Variants in PHKA2 observed in about 807,000 individuals in gnomAD.
PHKA2 encodes the protein phosphorylase b kinase regulatory subunit alpha, liver isoform.
In PHKA2, 31 loss-of-function variants were observed where a neutral mutation model predicts 102.0. That is an observed-to-expected ratio of 0.30 (90% CI 0.23 to 0.41). The LOEUF (loss-of-function observed/expected upper bound fraction) is 0.41, where lower values mean the gene tolerates loss of function less well. Among genes scored for constraint, PHKA2 ranks in the 10% least tolerant of loss-of-function variants. The probability of loss-of-function intolerance (pLI) is 1.00; values close to 1 mark genes in which losing one functional copy is unlikely to be tolerated. For synonymous variants in PHKA2, 455 were observed against 416.2 expected, an observed-to-expected ratio of 1.09 and a Z score of -1.13; for missense variants, 858 against 1,023.1, an observed-to-expected ratio of 0.84 and a Z score of 2.20.
chrX:18,904,968 G>A lies in PHKA2; in HGVS notation c.2908+790C>T, dbSNP rs148254094. Among the ~76,000 whole-genome samples, 962 of 111,712 alleles carry A rather than the reference G, an allele frequency of 8.6e-3. 13 individuals are homozygous for A. Among genetic ancestry groups the A allele is most frequent in the African/African-American group, 0.029 (899 of 30,732 alleles). ...TCCCAGCACTGCAAGCAGGGTTCCG[G>A]TTCAGATAAAAACAGAGTGAGCGAG... On this transcript the variant is annotated intron_variant, in intron 26 of 32. Transcript: ENST00000379942.
chrX:18,939,988 A>C lies in PHKA2; in HGVS notation c.918+7T>G, dbSNP rs747980910. ...AGGAAAGATAAGAAACAATATTTAA[A>C]TACAACCTCTCTTGGAGTTTTATAA... On this transcript the variant is annotated splice_region_variant and intron_variant, in intron 9 of 32. Coordinates refer to ENST00000379942, the MANE Select transcript of PHKA2 (RefSeq NM_000292.3). The C allele has an allele frequency of 1.7e-5, 19 of 1,145,702 alleles. No individual in the cohort carries two copies. In the African/African-American group the frequency reaches 2.0e-4, roughly 12 times the overall value. The allele number at this position is 1,145,702 out of a possible 1,213,427, so 94.4% of individuals were successfully genotyped here. A position where few individuals can be genotyped will look rare whatever the true frequency, so the allele number is the denominator to read the frequency against.
chrX:18,951,204 G>A lies in PHKA2; in HGVS notation c.354C>T (p.Thr118=), dbSNP rs201548823. ...CGCCCACCACCGTGCCACAGGTGGCGGTGTTGTACTTGGCGTGCAGGCTGT... is the reference window on the plus strand; with the variant it reads ...CGCCCACCACCGTGCCACAGGTGGCAGTGTTGTACTTGGCGTGCAGGCTGT... ...TKDSLHAKYN[T]ATCGTVVGDD... The change falls in exon 4 of 33, where the codon ACC becomes ACT. Residue 118 remains threonine, a synonymous_variant. Coordinates refer to ENST00000379942, the MANE Select transcript of PHKA2 (RefSeq NM_000292.3). 88 of 1,209,579 alleles carry A rather than the reference G, an allele frequency of 7.3e-5. No individual in the cohort carries two copies. The highest frequency in any genetic ancestry group is 5.7e-5 in the Non-Finnish European group (51 of 894,588).
chrX:18,945,860 A>G (rs2048568697), intron 5 of PHKA2, among the ~76,000 whole-genome samples: 1 of 112,149 alleles, frequency 8.9e-6, no homozygotes, highest in Non-Finnish European at 1.9e-5. Flanking sequence ...CACCCAACAC[A>G]CACAAGACTG....
At chrX:18,926,888 G>A (rs1473719837) in intron 13 of PHKA2, among the ~76,000 whole-genome samples, 1 of 111,751 alleles carries the variant, frequency 8.9e-6, no homozygotes, top group Admixed American at 9.5e-5. Flanking sequence ...CTCAAGTAAT[G>A]TCTTGCCTCC....
At chrX:18,982,621 G>C (rs925666965) in intron 1 of PHKA2, among the ~76,000 whole-genome samples, 3 of 111,817 alleles carry the variant, frequency 2.7e-5, no homozygotes, top group African/African-American at 9.8e-5. Flanking sequence ...ATGACTTGAA[G>C]TCAGGAGGTC....
Position 18,894,081 on chromosome X carries a change from A to AT in PHKA2, c.3537+122dup, listed in dbSNP as rs763656682. 1.3e-4 allele frequency: 90 copies of AT among 684,822 alleles called. 1 individual carries two copies. The South Asian group carries it at 1.8e-3, about 13-fold the overall frequency. 56.4% of individuals were successfully genotyped at this position (684,822 alleles called of 1,213,427 possible). On this transcript the variant is annotated intron_variant, in intron 32 of 32. Transcript: ENST00000379942. ...ACCATTTTCTAAGCAAGTGGTTGACATTTTTTCCCCATCATCTGTGATGAC... is the reference window on the plus strand; with the variant it reads ...ACCATTTTCTAAGCAAGTGGTTGACATTTTTTTCCCCATCATCTGTGATGAC...
At chrX:18,952,453 G>A (rs375024294) in intron 3 of PHKA2, 41 bp downstream of exon 3, 6 of 1,127,843 alleles carry the variant, frequency 5.3e-6, no homozygotes, top group African/African-American at 3.6e-5. Context: ...ACAATGACAT[G>A]GAATGCCCAC....
At chrX:18,896,736 G>A (rs2047564313) in intron 30 of PHKA2, 1 of 219,618 alleles carries the variant, frequency 4.6e-6, no homozygotes, top group Admixed American at 6.2e-5. Flanking sequence ...TGGTTTTACA[G>A]GGTTTTCATC....
chrX:18,956,121 C>G (rs932588341), intron 1 of PHKA2, among the ~76,000 whole-genome samples: 4 of 111,260 alleles, frequency 3.6e-5, no homozygotes, highest in African/African-American at 1.3e-4. Context: ...GACAGGAGTT[C>G]GAGACTAGCC....
At chrX:18,920,853 G>C (rs1423973363) in intron 17 of PHKA2, among the ~76,000 whole-genome samples, 1 of 112,498 alleles carries the variant, frequency 8.9e-6, no homozygotes, top group Non-Finnish European at 1.9e-5. Context: ...TGCACATACA[G>C]AAGAAAACAT....
intron 1 of PHKA2, among the ~76,000 whole-genome samples, chrX:18,970,268 A>G (rs755246192): frequency 8.9e-6 from 1 of 112,350 alleles, no homozygotes; most frequent in South Asian, 3.7e-4. Flanking sequence ...CATATACAAC[A>G]TGTTTTGAAA....
At chrX:18,946,950 C>G (rs2048589759) in intron 5 of PHKA2, among the ~76,000 whole-genome samples, 1 of 109,543 alleles carries the variant, frequency 9.1e-6, no homozygotes, top group South Asian at 4.1e-4. Flanking sequence ...CCACGAACAC[C>G]TACTGACCAG....
chrX:18,956,066 G>GT, intron 1 of PHKA2, among the ~76,000 whole-genome samples: 1 of 112,219 alleles, frequency 8.9e-6, no homozygotes, highest in Admixed American at 9.5e-5. Flanking sequence ...GCTCACGCCT[G>GT]TAATCTAAGC....
At chrX:18,976,370 C>T (rs778227462) in intron 1 of PHKA2, among the ~76,000 whole-genome samples, 2 of 111,973 alleles carry the variant, frequency 1.8e-5, no homozygotes. Context: ...ACTTTTTGGA[C>T]TCATTCCATT....
At chrX:18,938,291 C>G (rs2048425115) in intron 10 of PHKA2, among the ~76,000 whole-genome samples, 1 of 112,953 alleles carries the variant, frequency 8.9e-6, no homozygotes, top group African/African-American at 3.2e-5. Context: ...AATAGCACAG[C>G]TGAGTTCCCA....
In PHKA2 at chrX:18,931,628, A is replaced by G. The variant is rs748567028; in HGVS notation, c.1245+13T>C. 1 of 1,137,290 alleles carries G rather than the reference A, an allele frequency of 8.8e-7. No homozygotes were observed. Among genetic ancestry groups the G allele is most frequent in the African/African-American group, 1.8e-5 (1 of 55,702 alleles). 93.7% of individuals were successfully genotyped at this position (1,137,290 alleles called of 1,213,427 possible). ...CACATGGTTTCCAGTCTGTGAGGCCACTAAGCCCCTACCTCTGCCAACAGC... is the reference window on the plus strand; with the variant it reads ...CACATGGTTTCCAGTCTGTGAGGCCGCTAAGCCCCTACCTCTGCCAACAGC... On this transcript the variant is annotated intron_variant, in intron 12 of 32. Transcript: ENST00000379942.
chrX:18,904,647 A>G (rs1021929060), intron 26 of PHKA2, among the ~76,000 whole-genome samples: 4 of 112,172 alleles, frequency 3.6e-5, no homozygotes, highest in African/African-American at 1.3e-4. Flanking sequence ...AAGCATTCTG[A>G]GCACCCCTCC....
At chrX:18,895,006 G>C in intron 31 of PHKA2, 132 bp downstream of exon 31, 1 of 648,056 alleles carries the variant, frequency 1.5e-6, no homozygotes, top group Non-Finnish European at 2.6e-6. Flanking sequence ...GAAGGGGCTA[G>C]ACAGCTCAGA....
At chrX:18,917,351 C>T (rs768317922) in intron 19 of PHKA2, among the ~76,000 whole-genome samples, 2 of 108,615 alleles carry the variant, frequency 1.8e-5, no homozygotes, top group African/African-American at 6.7e-5. Flanking sequence ...CTCTGCTTCC[C>T]GGGTTCAAGT....
Sources: allele counts gnomAD v4.1 joint callset (sites outside exome capture counted in the v4.1 genomes callset), GRCh38; gene constraint gnomAD v4.1.1; transcripts MANE v1.5; gene names NCBI Gene and HGNC (gene_info 2026-07-23, HGNC 2026-07-21).